RERE: variants seen among roughly 807,000 people sequenced by gnomAD.
The protein encoded by RERE is arginine-glutamic acid dipeptide repeats protein.
RERE carries 40 observed loss-of-function variants against 146.1 expected under a neutral mutation model. The observed-to-expected ratio is 0.27, with a 90% CI of 0.21 to 0.36. The LOEUF (loss-of-function observed/expected upper bound fraction) is 0.36. Among genes scored for constraint, RERE ranks in the 10% least tolerant of loss-of-function variants. The probability of loss-of-function intolerance (pLI) is 1.00; values close to 1 mark genes in which losing one functional copy is unlikely to be tolerated. For synonymous variants in RERE, 1,003 were observed against 866.0 expected (o/e 1.16, Z -2.78); for missense variants, 1,933 against 2,138.7 (o/e 0.90, Z 1.90).
intron 1 of RERE, among the ~76,000 whole-genome samples, chr1:8,740,004 T>C (rs772057957): frequency 6.6e-6 from 1 of 152,080 alleles, no homozygotes; most frequent in Non-Finnish European, 1.5e-5. Flanking sequence ...CTTTCCCCTA[T>C]TGCCATATCC....
In RERE at chr1:8,361,011, C is replaced by T. The variant is rs372539432; in HGVS notation, c.2496G>A (p.Ser832=). 3.7e-4 allele frequency: 534 copies of T among 1,434,060 alleles called. No homozygotes were observed. Among genetic ancestry groups the T allele is most frequent in the Middle Eastern group, 3.9e-4 (2 of 5,150 alleles). 88.8% of individuals were successfully genotyped at this position (1,434,060 alleles called of 1,614,324 possible). A position where few individuals can be genotyped will look rare whatever the true frequency, so the allele number is the denominator to read the frequency against. Residue 832 remains serine, a synonymous_variant, in exon 18 of 23, where the codon TCG becomes TCA. Coordinates refer to ENST00000400908, the MANE Select transcript of RERE (RefSeq NM_001042681.2). The part of the protein sequence containing the change: ...PHPPLQPLTG[S]AGQPSAPSHA... ...GAGAGGGTGCAGAAGGCTGGCCCGC[C>T]GACCCAGTCAGAGGCTGCAGCGGGG...
chr1:8,360,313 G>A lies in RERE; in HGVS notation c.3194C>T (p.Ser1065Leu), dbSNP rs556277877. The A allele has an allele frequency of 1.8e-5, 28 of 1,537,566 alleles. No individual in the cohort carries two copies. Among genetic ancestry groups the A allele is most frequent in the African/African-American group, 1.8e-4 (13 of 72,748 alleles). ...CGCACCAGAGCAGGGTGGCTGGGCC[G>A]AGGTGCCAGGTCCCGCCGGTGGGGT... ...TSTPPAGPGTSAQPPCSGAAA... is the reference protein window; with the variant it reads ...TSTPPAGPGTLAQPPCSGAAA... The change falls in exon 18 of 23, where the codon TCG becomes TTG. Residue 1065 changes from serine to leucine, a missense_variant. Coordinates refer to ENST00000400908, the MANE Select transcript of RERE (RefSeq NM_001042681.2).
chr1:8,411,022 G>GT (rs1557617610), intron 12 of RERE, among the ~76,000 whole-genome samples: 1 of 152,174 alleles, frequency 6.6e-6, no homozygotes, highest in African/African-American at 2.4e-5. Flanking sequence ...TGCAACAAAT[G>GT]TAAGTATTTA....
intron 1 of RERE, among the ~76,000 whole-genome samples, chr1:8,737,583 A>AT (rs5772334): frequency 0.2 from 29,721 of 147,912 alleles, 3,606 homozygotes; most frequent in Non-Finnish European, 0.29. Context: ...AGGAAGCAGA[A>AT]TTTTTTTTTT....
chr1:8,413,710 C>G (rs1054373758), intron 12 of RERE, among the ~76,000 whole-genome samples: 2 of 152,076 alleles, frequency 1.3e-5, no homozygotes, highest in Admixed American at 6.5e-5. Context: ...CTTTGTGTAA[C>G]AGCAACCAGC....
At chr1:8,616,912 A>G (rs1297706164) in intron 3 of RERE, among the ~76,000 whole-genome samples, 1 of 152,200 alleles carries the variant, frequency 6.6e-6, no homozygotes, top group Non-Finnish European at 1.5e-5. Context: ...CACTCTGTCC[A>G]CTAGAGGTTG....
At chr1:8,378,984 G>A in intron 12 of RERE, among the ~76,000 whole-genome samples, 1 of 152,190 alleles carries the variant, frequency 6.6e-6, no homozygotes, top group East Asian at 1.9e-4. Flanking sequence ...TCTACTTTAA[G>A]TGGGGCCAAA....
At chr1:8,796,223 T>C (rs922037783) in intron 1 of RERE, among the ~76,000 whole-genome samples, 10 of 152,114 alleles carry the variant, frequency 6.6e-5, no homozygotes, top group African/African-American at 2.2e-4. Context: ...TTCATTTTGT[T>C]ATTTTTCAGG....
chr1:8,702,796 C>T (rs866423394), intron 1 of RERE, among the ~76,000 whole-genome samples: 1 of 152,134 alleles, frequency 6.6e-6, no homozygotes, highest in African/African-American at 2.4e-5. Flanking sequence ...GTTTTCTGTT[C>T]GATTTAATTA....
intron 3 of RERE, among the ~76,000 whole-genome samples, chr1:8,616,363 C>T (rs1247443308): frequency 6.6e-6 from 1 of 152,020 alleles, no homozygotes; most frequent in Non-Finnish European, 1.5e-5. Context: ...ATCTGTTTCC[C>T]TAATTTTTTT....
intron 1 of RERE, among the ~76,000 whole-genome samples, chr1:8,724,900 C>G (rs534695006): frequency 1.2e-3 from 139 of 116,056 alleles, no homozygotes; most frequent in Middle Eastern, 0.01. Flanking sequence ...ACAACTCAAC[C>G]TTCTTTCCTA....
intron 1 of RERE, among the ~76,000 whole-genome samples, chr1:8,683,395 A>C (rs1282790320): frequency 6.6e-6 from 1 of 152,156 alleles, no homozygotes; most frequent in Non-Finnish European, 1.5e-5. Flanking sequence ...CTACTTAAAG[A>C]CTAAAGAAAT....
In RERE at chr1:8,689,056, C is replaced by A. The variant is rs541590901; in HGVS notation, c.-144-32615G>T. Among the ~76,000 whole-genome samples the A allele has an allele frequency of 1.8e-4, 28 of 151,920 alleles. No homozygotes were observed. The South Asian group carries it at 5.6e-3, about 30-fold the overall frequency. ...CTCTCAATAAAGCTTTTTTAAAAAT[C>A]TATTCCAAGCTTTTAATCTAAAGAA... On this transcript the variant is annotated intron_variant, in intron 1 of 22. Transcript: ENST00000400908.
At chr1:8,375,177 G>A (rs1400102963) in intron 12 of RERE, among the ~76,000 whole-genome samples, 1 of 152,192 alleles carries the variant, frequency 6.6e-6, no homozygotes, top group Non-Finnish European at 1.5e-5. Flanking sequence ...GTAAACATCT[G>A]ATGAAATGAT....
chr1:8,378,978 C>CT (rs1642355441), intron 12 of RERE, among the ~76,000 whole-genome samples: 1 of 152,186 alleles, frequency 6.6e-6, no homozygotes, highest in Admixed American at 6.5e-5. Context: ...TAATTTTCTA[C>CT]TTTAAGTGGG....
At chr1:8,603,453 A>T (rs1326747117) in intron 4 of RERE, among the ~76,000 whole-genome samples, 1 of 152,268 alleles carries the variant, frequency 6.6e-6, no homozygotes, top group African/African-American at 2.4e-5. Flanking sequence ...AACATGGGCC[A>T]TAAGGAAGCA....
chr1:8,647,230 T>C (rs1232259636), intron 2 of RERE, among the ~76,000 whole-genome samples: 1 of 152,178 alleles, frequency 6.6e-6, no homozygotes, highest in Non-Finnish European at 1.5e-5. Context: ...ACAGCCACAT[T>C]GTGTTTCCTC....
intron 1 of RERE, chr1:8,796,817 G>A (rs1056269764): frequency 6.6e-6 from 1 of 151,992 alleles, no homozygotes; most frequent in Non-Finnish European, 1.5e-5. Flanking sequence ...ATGAAGAACA[G>A]GAAACTGAAT....
At chr1:8,740,762 C>T (rs1388138404) in intron 1 of RERE, among the ~76,000 whole-genome samples, 3 of 152,208 alleles carry the variant, frequency 2.0e-5, no homozygotes, top group Non-Finnish European at 4.4e-5. Flanking sequence ...TGCACCGCCA[C>T]ATGTTGGACC....
Sources: gnomAD v4.1 joint callset for allele counts (sites outside exome capture counted in the v4.1 genomes callset) on GRCh38, gnomAD v4.1.1 for gene constraint, MANE v1.5 for transcripts, NCBI Gene and HGNC (gene_info 2026-07-23, HGNC 2026-07-21) for gene names.